Variants in SLIT1 observed in about 807,000 individuals in gnomAD.
SLIT1 encodes slit guidance ligand 1, also known as slit homolog 1 protein.
In SLIT1, 66 loss-of-function variants were observed where a neutral mutation model predicts 186.1. The observed-to-expected ratio is 0.35, with a 90% CI of 0.29 to 0.44. The LOEUF (loss-of-function observed/expected upper bound fraction) is 0.44. SLIT1 is among the 20% of genes least tolerant of loss of function. The pLI is 1.00. For missense variants in SLIT1, 1,638 were observed against 2,037.4 expected (o/e 0.80, Z 3.77); for synonymous variants, 761 against 833.8 (o/e 0.91, Z 1.50).
At chr10:97,001,919 G>A (rs1166027182) in intron 36 of SLIT1, among the ~76,000 whole-genome samples, 1 of 152,106 alleles carries the variant, frequency 6.6e-6, no homozygotes. Context: ...TCTTCTGCAA[G>A]GAGAGACCCC....
At chr10:97,159,419 G>A (rs1849996954) in intron 3 of SLIT1, among the ~76,000 whole-genome samples, 2 of 152,174 alleles carry the variant, frequency 1.3e-5, no homozygotes, top group Non-Finnish European at 2.9e-5. Flanking sequence ...AGCAACAGGA[G>A]TAGACATCAG....
chr10:97,157,185 G>C (rs1849963007), intron 4 of SLIT1: 1 of 152,196 alleles, frequency 6.6e-6, no homozygotes, highest in African/African-American at 2.4e-5. Flanking sequence ...AGCTGCAGAA[G>C]AGATTCCTTA....
intron 4 of SLIT1, among the ~76,000 whole-genome samples, chr10:97,082,680 C>G (rs990646359): frequency 6.6e-6 from 1 of 152,132 alleles, no homozygotes; most frequent in African/African-American, 2.4e-5. Context: ...GTGATCTGCC[C>G]TCCTCGGCCT....
intron 23 of SLIT1, among the ~76,000 whole-genome samples, chr10:97,033,709 G>A (rs1298817598): frequency 6.6e-6 from 1 of 152,036 alleles, no homozygotes; most frequent in Non-Finnish European, 1.5e-5. Context: ...GACAAAATTA[G>A]ACTATATTAT....
intron 13 of SLIT1, among the ~76,000 whole-genome samples, chr10:97,050,179 C>A (rs2134628655): frequency 6.6e-6 from 1 of 152,300 alleles, no homozygotes; most frequent in African/African-American, 2.4e-5. Context: ...TACGGGGAGA[C>A]AGAGCAACAG....
intron 4 of SLIT1, among the ~76,000 whole-genome samples, chr10:97,073,140 C>T (rs953529943): frequency 6.6e-6 from 1 of 152,174 alleles, no homozygotes; most frequent in Non-Finnish European, 1.5e-5. Context: ...GACTTCCTAC[C>T]TTGCCAATAC....
chr10:97,021,169 G>A lies in SLIT1; in HGVS notation c.2746+81C>T, dbSNP rs934476076. On this transcript the variant is annotated intron_variant, in intron 26 of 36. Coordinates refer to ENST00000266058, the MANE Select transcript of SLIT1 (RefSeq NM_003061.3). This position sits in a 1 kb window ranked among gnomAD's most constrained non-coding sequence, Gnocchi z 4.5. The stretch of plus-strand genomic sequence containing the variant: ...CCCGCCCAGCGGTCACCACAGGGAC[G>A]CAGGCATGTTAGGAAGGCCCTGCAG... 68 of 1,412,532 alleles carry A rather than the reference G, an allele frequency of 4.8e-5. 1 individual carries two copies. In the South Asian group the frequency reaches 7.6e-4, roughly 16 times the overall value. The allele number at this position is 1,412,532 out of a possible 1,614,324, so 87.5% of individuals were successfully genotyped here.
chr10:97,043,081 G>A lies in SLIT1; in HGVS notation c.1998-14C>T, dbSNP rs754495924. 2 of 1,611,704 alleles carry A rather than the reference G, an allele frequency of 1.2e-6. No individual in the cohort carries two copies. The highest frequency in any genetic ancestry group is 1.3e-5 in the African/African-American group (1 of 74,922). On this transcript the variant is annotated splice_polypyrimidine_tract_variant and intron_variant, in intron 19 of 36. Transcript: ENST00000266058. This position sits in a 1 kb window ranked among gnomAD's most constrained non-coding sequence, Gnocchi z 7.0. ...GCCAGGAGATTCCTGGAAGAGGCAG[G>A]CCAGGCGGCCATGGAGACACTCTGC... is the stretch of plus-strand genomic sequence containing the variant.
At chr10:97,057,900 G>T (rs1564664208) in intron 11 of SLIT1, 6 of 691,346 alleles carry the variant, frequency 8.7e-6, no homozygotes, top group South Asian at 4.7e-5. Flanking sequence ...GGTTTGGGGA[G>T]GGGGGTTGTA....
chr10:97,037,572 G>C lies in SLIT1; in HGVS notation c.2366+126C>G, dbSNP rs1589370449. On this transcript the variant is annotated intron_variant, in intron 22 of 36. Coordinates refer to ENST00000266058, the MANE Select transcript of SLIT1 (RefSeq NM_003061.3). ...TCTAGGCACAGCTGTTCCCAGAGGG[G>C]AGCAGGGAAAGGAAAAGAAGCAGGA... 3 of 709,070 alleles carry C rather than the reference G, an allele frequency of 4.2e-6. No individual in the cohort carries two copies. In the African/African-American group the frequency reaches 5.2e-5, roughly 12 times the overall value. The allele number at this position is 709,070 out of a possible 1,614,324, so 43.9% of individuals were successfully genotyped here.
At chr10:97,053,983 G>T (rs1043297953) in intron 13 of SLIT1, among the ~76,000 whole-genome samples, 2 of 152,072 alleles carry the variant, frequency 1.3e-5, no homozygotes, top group Non-Finnish European at 2.9e-5. Context: ...GTATCAGTCT[G>T]CTTTTGTGTT....
At chr10:97,052,633 A>G (rs1254101698) in intron 13 of SLIT1, among the ~76,000 whole-genome samples, 1 of 152,212 alleles carries the variant, frequency 6.6e-6, no homozygotes, top group African/African-American at 2.4e-5. Context: ...GTTATACCTC[A>G]ATAGAGCTGT....
At chr10:97,142,818 T>C (rs771888711) in intron 4 of SLIT1, among the ~76,000 whole-genome samples, 9 of 152,176 alleles carry the variant, frequency 5.9e-5, no homozygotes, top group Non-Finnish European at 1.3e-4. Flanking sequence ...AAGACTTGAA[T>C]AGAAATTTCT....
intron 3 of SLIT1, among the ~76,000 whole-genome samples, chr10:97,158,253 C>A (rs1849976893): frequency 6.6e-6 from 1 of 152,192 alleles, no homozygotes; most frequent in Non-Finnish European, 1.5e-5. Flanking sequence ...GGAAACCTGA[C>A]TACACTTGAA....
intron 4 of SLIT1, among the ~76,000 whole-genome samples, chr10:97,073,416 C>A (rs1330378249): frequency 6.6e-6 from 1 of 152,180 alleles, no homozygotes; most frequent in East Asian, 1.9e-4. Context: ...TGGAAGCGGG[C>A]GGGATCTGCG....
chr10:97,142,268 T>G (rs750969164), intron 4 of SLIT1, among the ~76,000 whole-genome samples: 2 of 152,138 alleles, frequency 1.3e-5, no homozygotes, highest in African/African-American at 2.4e-5. Flanking sequence ...AATGTGGTAC[T>G]GGCATAAAGA....
At chr10:97,175,278 T>C (rs749454918) in intron 1 of SLIT1, among the ~76,000 whole-genome samples, 14 of 152,236 alleles carry the variant, frequency 9.2e-5, no homozygotes, top group Non-Finnish European at 1.9e-4. Flanking sequence ...TCACATTTTG[T>C]TTATCCCTTC....
intron 1 of SLIT1, among the ~76,000 whole-genome samples, chr10:97,175,284 CCTTCATCTGTTGGTGGACATGTGGCTTG>C (rs1376802890): frequency 6.6e-6 from 1 of 152,152 alleles, no homozygotes; most frequent in Admixed American, 6.5e-5. Context: ...TTTGTTTATC[CCTTCATCTGTTGGTGGACATGTGGCTTG>C]CTTCCACATT....
chr10:97,001,440 G>A, intron 36 of SLIT1, 90 bp from the exon 37 acceptor site: 1 of 969,298 alleles, frequency 1.0e-6, no homozygotes, highest in Non-Finnish European at 1.6e-6. Context: ...AGGAGGAGGA[G>A]GGCAGCATCT....
Sources: gnomAD v4.1 joint callset for allele counts (sites outside exome capture counted in the v4.1 genomes callset) on GRCh38, gnomAD v4.1.1 for gene constraint, Gnocchi (gnomAD v3.1) non-coding constraint, MANE v1.5 for transcripts, NCBI Gene and HGNC (gene_info 2026-07-23, HGNC 2026-07-21) for gene names.